The following FUBP3 variants were observed in gnomAD, a reference collection of about 807,000 sequenced individuals.
The protein encoded by FUBP3 is far upstream element-binding protein 3.
Under a neutral mutation model 85.6 loss-of-function variants are expected in FUBP3, and 28 were observed. The ratio of observed to expected loss-of-function variants is 0.33; its 90% confidence interval spans 0.24 to 0.45. FUBP3 has a LOEUF of 0.45. FUBP3 is among the 20% of genes least tolerant of loss of function. The pLI is 1.00. For synonymous variants in FUBP3, 271 were observed against 271.4 expected, an observed-to-expected ratio of 1.00 and a Z score of 0.01; for missense variants, 583 against 755.1, an observed-to-expected ratio of 0.77 and a Z score of 2.67.
intron 1 of FUBP3, among the ~76,000 whole-genome samples, chr9:130,593,256 A>G (rs1409262464): frequency 6.6e-6 from 1 of 152,158 alleles, no homozygotes; most frequent in Non-Finnish European, 1.5e-5. Context: ...TGCTGAAATG[A>G]TCAGTTTATT....
intron 15 of FUBP3, 60 bp from the exon 16 acceptor site, chr9:130,632,142 G>C: frequency 6.7e-7 from 1 of 1,496,712 alleles, no homozygotes. Context: ...GCAGTGAAGA[G>C]GGAGACGACA....
At chr9:130,624,977 T>C (rs919475447) in intron 11 of FUBP3, among the ~76,000 whole-genome samples, 3 of 152,134 alleles carry the variant, frequency 2.0e-5, no homozygotes, top group African/African-American at 7.2e-5. Flanking sequence ...CCTAGCACTT[T>C]GGGATGCCAA....
rs1009641581 is a variant in FUBP3, at chr9:130,595,683, T to A, written c.190+95T>A. 6.5e-6 allele frequency: 5 copies of A among 764,982 alleles called. No individual in the cohort carries two copies. In the African/African-American group the frequency reaches 8.5e-5, roughly 13 times the overall value. The allele number at this position is 764,982 out of a possible 1,614,324, so 47.4% of individuals were successfully genotyped here. A position where few individuals can be genotyped will look rare whatever the true frequency, so the allele number is the denominator to read the frequency against. On this transcript the variant is annotated intron_variant, in intron 2 of 18. Transcript: ENST00000319725. ...CCATTACCTTAACGACTCTCTGAAG[T>A]GTCACTCTGTTGAGAAGAAAGGTTG...
At chr9:130,634,503 C>T (rs569799809) in intron 16 of FUBP3, 164 bp from the exon 17 acceptor site, 1 of 602,822 alleles carries the variant, frequency 1.7e-6, no homozygotes, top group Admixed American at 2.9e-5. Context: ...TACACCCCTT[C>T]CCCCAGCCCT....
rs567892809 is a variant in FUBP3 at position 130,600,058 on chromosome 9, G to A, written c.190+4470G>A. ...ACTTTCTTCGGGGCTCAGCCCACATGCCACCTAGCCTCTTGGTCTTCTCTC... is the reference window on the plus strand; with the variant it reads ...ACTTTCTTCGGGGCTCAGCCCACATACCACCTAGCCTCTTGGTCTTCTCTC... On this transcript the variant is annotated intron_variant, in intron 2 of 18. Coordinates refer to ENST00000319725, the MANE Select transcript of FUBP3 (RefSeq NM_003934.2). Among the ~76,000 whole-genome samples the A allele has an allele frequency of 1.2e-3, 183 of 151,884 alleles. 1 individual carries two copies. Among genetic ancestry groups the A allele is most frequent in the African/African-American group, 4.0e-3 (167 of 41,312 alleles).
rs910390229 is a variant in FUBP3, at chr9:130,635,481, T to C, written c.1583-518T>C. 1.1e-4 allele frequency among the ~76,000 whole-genome samples: 16 copies of C among 152,162 alleles called. No homozygotes were observed. Among genetic ancestry groups the C allele is most frequent in the East Asian group, 1.9e-4 (1 of 5,180 alleles). ...AGTGGTCCCCCTGGTGTTGGCATCA[T>C]CGCCAGGTTCATGGCCCTTCTAGGG... On this transcript the variant is annotated intron_variant, in intron 17 of 18. Coordinates refer to ENST00000319725, the MANE Select transcript of FUBP3 (RefSeq NM_003934.2). This position sits in a 1 kb window ranked among gnomAD's most constrained non-coding sequence, Gnocchi z 4.3.
chr9:130,623,360 C>A (rs1288745806), intron 10 of FUBP3, among the ~76,000 whole-genome samples: 1 of 152,104 alleles, frequency 6.6e-6, no homozygotes, highest in Non-Finnish European at 1.5e-5. Context: ...TGTTTTAGTT[C>A]TTTAATGATA....
intron 12 of FUBP3, 60 bp downstream of exon 12, chr9:130,626,565 T>C (rs1364082946): frequency 1.3e-6 from 2 of 1,557,762 alleles, no homozygotes; most frequent in East Asian, 4.5e-5. Context: ...GGAAGGCAGG[T>C]CACGGGACCT....
rs573526178 is a variant in FUBP3, at chr9:130,579,648, T to TCGG, written c.-21_-19dup. ...GAGCCGAGCGGCGGCGTCGGCGGCG[T>TCGG]CGGCGGCGGCGGCGACGGCGGCGGG... On this transcript the variant is annotated 5_prime_UTR_variant, in exon 1 of 19. Transcript: ENST00000319725. The TCGG allele has an allele frequency of 4.7e-4, 574 of 1,210,046 alleles. 3 individuals carry two copies. Among genetic ancestry groups the TCGG allele is most frequent in the South Asian group, 2.8e-3 (67 of 23,844 alleles). The allele number at this position is 1,210,046 out of a possible 1,614,324, so 75.0% of individuals were successfully genotyped here. A position where few individuals can be genotyped will look rare whatever the true frequency, so the allele number is the denominator to read the frequency against.
At chr9:130,588,674 T>C (rs776082781) in intron 1 of FUBP3, among the ~76,000 whole-genome samples, 6 of 152,220 alleles carry the variant, frequency 3.9e-5, no homozygotes, top group Non-Finnish European at 8.8e-5. Flanking sequence ...GTAGCTACTT[T>C]AGAAGGTCAC....
In FUBP3 at chr9:130,591,310, G is replaced by T. The variant is rs567229228; in HGVS notation, c.85-4173G>T. On this transcript the variant is annotated intron_variant, in intron 1 of 18. Coordinates refer to ENST00000319725, the MANE Select transcript of FUBP3 (RefSeq NM_003934.2). ...ATACAAAAATTATCCAGGCATGGTG[G>T]CGCATGCCTGTAACCCCAGCTACTC... is the stretch of plus-strand genomic sequence containing the variant. Among the ~76,000 whole-genome samples, 7 of 152,270 alleles carry T rather than the reference G, an allele frequency of 4.6e-5. No homozygotes were observed. In the East Asian group the frequency reaches 1.2e-3, roughly 25 times the overall value.
At chr9:130,613,636 A>G (rs1831862057) in intron 5 of FUBP3, among the ~76,000 whole-genome samples, 1 of 152,236 alleles carries the variant, frequency 6.6e-6, no homozygotes, top group South Asian at 2.1e-4. Context: ...AGGACATTTG[A>G]CTAGAAAAAT....
rs543461011 is a variant in FUBP3, at chr9:130,633,704, G to A, written c.1511-963G>A. On this transcript the variant is annotated intron_variant, in intron 16 of 18. Transcript: ENST00000319725. ...CTTGCCGGCGCCCTCCGCGTCCGAGGGAAGAGTGTTTGCTGCCTGTGTCCC... is the reference window on the plus strand; with the variant it reads ...CTTGCCGGCGCCCTCCGCGTCCGAGAGAAGAGTGTTTGCTGCCTGTGTCCC... Among the ~76,000 whole-genome samples, 106 of 152,346 alleles carry A rather than the reference G, an allele frequency of 7.0e-4. 1 individual carries two copies. Among genetic ancestry groups the A allele is most frequent in the African/African-American group, 2.5e-3 (102 of 41,582 alleles).
chr9:130,633,947 T>C (rs1446799751), intron 16 of FUBP3, among the ~76,000 whole-genome samples: 10 of 152,124 alleles, frequency 6.6e-5, no homozygotes, highest in Admixed American at 6.5e-4. Context: ...TTGTGGGCCT[T>C]GGCAGGTGGA....
chr9:130,629,987 G>A (rs1470015264), intron 12 of FUBP3, among the ~76,000 whole-genome samples: 2 of 152,232 alleles, frequency 1.3e-5, no homozygotes, highest in African/African-American at 4.8e-5. Flanking sequence ...GAGACCAACT[G>A]AATTTTTGTT....
At chr9:130,628,715 G>A (rs918019048) in intron 12 of FUBP3, among the ~76,000 whole-genome samples, 4 of 152,146 alleles carry the variant, frequency 2.6e-5, no homozygotes, top group African/African-American at 9.7e-5. Flanking sequence ...GGGTTCCCTC[G>A]AGTCTTACGT....
rs1301422134 is a variant in FUBP3, at chr9:130,626,495, C to T, written c.1107C>T (p.Val369=). The T allele has an allele frequency of 6.2e-7, 1 of 1,613,996 alleles. No homozygotes were observed. The highest frequency in any genetic ancestry group is 8.5e-7 in the Non-Finnish European group (1 of 1,180,006). Reference sequence around the variant, plus strand: ...TGCCAGCCGATAAGTGTGGCCTCGTCATAGGCAAAGGTAAGAGGCAGCTGG... The same window carrying T: ...TGCCAGCCGATAAGTGTGGCCTCGTTATAGGCAAAGGTAAGAGGCAGCTGG... ...YTVPADKCGL[V]IGKGGENIKS... is the part of the protein sequence containing the mutation. Residue 369 remains valine, a synonymous_variant, in exon 12 of 19, where the codon GTC becomes GTT. Transcript: ENST00000319725.
chr9:130,584,546 A>G (rs1165095370), intron 1 of FUBP3, among the ~76,000 whole-genome samples: 2 of 150,794 alleles, frequency 1.3e-5, no homozygotes, highest in Non-Finnish European at 2.9e-5. Flanking sequence ...AAAAGAAACT[A>G]GAGTGATTTT....
chr9:130,594,310 C>T (rs1205575890), intron 1 of FUBP3, among the ~76,000 whole-genome samples: 1 of 151,822 alleles, frequency 6.6e-6, no homozygotes, highest in Non-Finnish European at 1.5e-5. Flanking sequence ...AGGCCAGGCG[C>T]TGTGGCTCAT....
Sources: gnomAD v4.1 joint callset for allele counts (sites outside exome capture counted in the v4.1 genomes callset) on GRCh38, gnomAD v4.1.1 for gene constraint, Gnocchi (gnomAD v3.1) non-coding constraint, MANE v1.5 for transcripts, NCBI Gene and HGNC (gene_info 2026-07-23, HGNC 2026-07-21) for gene names.